DCDC1: variants seen among roughly 807,000 people sequenced by gnomAD.
DCDC1 encodes the protein doublecortin domain-containing protein 1.
Under a neutral mutation model 178.3 loss-of-function variants are expected in DCDC1, and 200 were observed. The ratio of observed to expected loss-of-function variants is 1.12; its 90% CI spans 1.00 to 1.26. The LOEUF (loss-of-function observed/expected upper bound fraction) is 1.26. Ranked by LOEUF, DCDC1 falls within the 50% of genes most tolerant of loss-of-function variation. The pLI is 0.00. For synonymous variants in DCDC1, 690 were observed against 604.8 expected (o/e 1.14, Z -2.07); for missense variants, 1,983 against 1,749.2 (o/e 1.13, Z -2.38).
At chr11:30,934,307 T>C (rs149601354) in intron 21 of DCDC1, among the ~76,000 whole-genome samples, 1 of 152,308 alleles carries the variant, frequency 6.6e-6, no homozygotes, top group African/African-American at 2.4e-5. Flanking sequence ...TGGCCATGTG[T>C]ATTTTCAGGT....
rs1211541238 is a variant in DCDC1, at chr11:31,130,954, G to C, written c.1315-3315C>G. On this transcript the variant is annotated intron_variant, in intron 10 of 38. Coordinates refer to ENST00000684477, the MANE Select transcript of DCDC1 (RefSeq NM_001387274.1). The stretch of plus-strand genomic sequence containing the variant: ...TCCCAGCACTTTGGGAGGCCGAGGC[G>C]GGTGGATCATGAGGTCAGGAGATCG... 4.0e-4 allele frequency among the ~76,000 whole-genome samples: 11 copies of C among 27,178 alleles called. 4 individuals carry two copies. The highest frequency in any genetic ancestry group is 1.9e-3 in the South Asian group (1 of 522). The allele number at this position is 27,178 out of a possible 152,430, so 17.8% of individuals were successfully genotyped here.
At chr11:30,957,806 A>G (rs1395839341) in intron 20 of DCDC1, among the ~76,000 whole-genome samples, 1 of 152,206 alleles carries the variant, frequency 6.6e-6, no homozygotes, top group East Asian at 1.9e-4. Context: ...ATGCAACGAC[A>G]TCCTATATTG....
chr11:31,059,057 C>G (rs1381625601), intron 20 of DCDC1, among the ~76,000 whole-genome samples: 1 of 152,016 alleles, frequency 6.6e-6, no homozygotes, highest in African/African-American at 2.4e-5. Context: ...ATAAATAGTA[C>G]ATCGTGAAAA....
chr11:31,021,351 T>C (rs1202164377), intron 20 of DCDC1, among the ~76,000 whole-genome samples: 2 of 152,150 alleles, frequency 1.3e-5, no homozygotes, highest in Admixed American at 6.6e-5. Flanking sequence ...AGAAAGCAAC[T>C]TAAATAAATT....
intron 9 of DCDC1, among the ~76,000 whole-genome samples, chr11:31,235,724 G>T (rs966023026): frequency 6.6e-6 from 1 of 151,952 alleles, no homozygotes; most frequent in Non-Finnish European, 1.5e-5. Flanking sequence ...GTTCAGAATT[G>T]CATAAGCAGA....
Position 31,334,792 on chromosome 11 carries a change from C to T in DCDC1, c.-7+655G>A, listed in dbSNP as rs894040558. On this transcript the variant is annotated intron_variant, in intron 2 of 38. Transcript: ENST00000684477. ...CTGGAAACTTCGTCCCAGAGGGGTA[C>T]CCGCCTATATGAGGTGTCAGTTGGC... Among the ~76,000 whole-genome samples the T allele has an allele frequency of 3.3e-5, 5 of 152,206 alleles. No homozygotes were observed. The South Asian group carries it at 1.0e-3, about 32-fold the overall frequency.
At chr11:31,167,031 T>G (rs752410153) in intron 9 of DCDC1, among the ~76,000 whole-genome samples, 1 of 152,178 alleles carries the variant, frequency 6.6e-6, no homozygotes. Flanking sequence ...CACAGCTAGG[T>G]AGGCTGTCTG....
At chr11:31,092,085 C>T (rs1482310894) in intron 16 of DCDC1, among the ~76,000 whole-genome samples, 1 of 152,124 alleles carries the variant, frequency 6.6e-6, no homozygotes, top group Non-Finnish European at 1.5e-5. Flanking sequence ...GTCAACACAA[C>T]ATTTTTTATA....
At chr11:31,051,934 A>T (rs1225198918) in intron 20 of DCDC1, among the ~76,000 whole-genome samples, 1 of 152,180 alleles carries the variant, frequency 6.6e-6, no homozygotes, top group Non-Finnish European at 1.5e-5. Flanking sequence ...CAAAAACAAA[A>T]AACAAACAAA....
chr11:30,940,741 G>A (rs1034333817), intron 21 of DCDC1, among the ~76,000 whole-genome samples: 11 of 151,972 alleles, frequency 7.2e-5, no homozygotes, highest in African/African-American at 1.5e-4. Context: ...ATCTATTTCT[G>A]ATGTAAGAGC....
chr11:30,909,479 T>C (rs954150126), intron 28 of DCDC1, among the ~76,000 whole-genome samples: 5 of 152,112 alleles, frequency 3.3e-5, no homozygotes, highest in Admixed American at 3.3e-4. Flanking sequence ...TCAAAATTTC[T>C]CTAAAATAAA....
intron 20 of DCDC1, among the ~76,000 whole-genome samples, chr11:31,007,933 G>A (rs1951950923): frequency 6.6e-6 from 1 of 152,280 alleles, no homozygotes; most frequent in Middle Eastern, 3.4e-3. Context: ...AAAATGTTGG[G>A]ATTACAGGTG....
chr11:30,888,078 G>A lies in DCDC1; in HGVS notation c.5082+4740C>T, dbSNP rs375203677. ...AGAAAGAAAGAGAGAGAGAGAGAGA[G>A]AGAGAGAAAGAAAGAAAGAAAAAGA... On this transcript the variant is annotated intron_variant, in intron 36 of 38. Coordinates refer to ENST00000684477, the MANE Select transcript of DCDC1 (RefSeq NM_001387274.1). Among the ~76,000 whole-genome samples the A allele has an allele frequency of 7.3e-3, 704 of 96,542 alleles. 5 individuals carry two copies. The highest frequency in any genetic ancestry group is 0.018 in the Middle Eastern group (3 of 166). 63.3% of individuals were successfully genotyped at this position (96,542 alleles called of 152,430 possible). A position where few individuals can be genotyped will look rare whatever the true frequency, so the allele number is the denominator to read the frequency against.
Position 31,307,677 on chromosome 11 carries a change from C to T in DCDC1, c.396G>A (p.Lys132=), listed in dbSNP as rs775674039. 3 of 1,613,930 alleles carry T rather than the reference C, an allele frequency of 1.9e-6. No homozygotes were observed. In the African/African-American group the frequency reaches 4.0e-5, roughly 22 times the overall value. ...CTGGAGCACTGACAGGTCTGTTTCT[C>T]TTGGATGCTGATATAGAACAAGAAT... is the stretch of plus-strand genomic sequence containing the variant. The part of the protein sequence containing the change: ...KNNSCSISAS[K]RNRPVSAPVG... Residue 132 remains lysine, a synonymous_variant, in exon 4 of 39, where the codon AAG becomes AAA. Coordinates refer to ENST00000684477, the MANE Select transcript of DCDC1 (RefSeq NM_001387274.1).
intron 1 of DCDC1, among the ~76,000 whole-genome samples, chr11:31,348,954 C>T (rs1950940886): frequency 6.6e-6 from 1 of 152,094 alleles, no homozygotes; most frequent in African/African-American, 2.4e-5. Flanking sequence ...ATAGTCTACT[C>T]TTCTACAATG....
intron 16 of DCDC1, 120 bp downstream of exon 16, chr11:31,093,930 C>T (rs1338121964): frequency 3.0e-6 from 2 of 667,404 alleles, no homozygotes; most frequent in Admixed American, 2.2e-5. Context: ...CTATAACAGC[C>T]AACAATTTAT....
At chr11:30,967,385 C>G (rs1385730297) in intron 20 of DCDC1, among the ~76,000 whole-genome samples, 1 of 152,094 alleles carries the variant, frequency 6.6e-6, no homozygotes, top group Non-Finnish European at 1.5e-5. Context: ...GGAGTTCACT[C>G]ATGATTGTTT....
chr11:31,142,248 G>T (rs187713637), intron 9 of DCDC1, among the ~76,000 whole-genome samples: 3 of 152,282 alleles, frequency 2.0e-5, no homozygotes, highest in Admixed American at 1.3e-4. Flanking sequence ...TTTGGTAAAA[G>T]AATTAAACAA....
intron 9 of DCDC1, among the ~76,000 whole-genome samples, chr11:31,150,643 C>T (rs1965071874): frequency 6.6e-6 from 1 of 152,068 alleles, no homozygotes; most frequent in Non-Finnish European, 1.5e-5. Flanking sequence ...AATAAGAAAG[C>T]CTCTTTTTAA....
Sources: allele counts gnomAD v4.1 joint callset (sites outside exome capture counted in the v4.1 genomes callset), GRCh38; gene constraint gnomAD v4.1.1; transcripts MANE v1.5; gene names NCBI Gene and HGNC (gene_info 2026-07-23, HGNC 2026-07-21).